The following C2 variants were observed in gnomAD, a reference collection of about 807,000 sequenced individuals.
C2 encodes the protein C3/C5 convertase.
C2 carries 64 observed loss-of-function variants against 85.2 expected under a neutral mutation model. The ratio of observed to expected loss-of-function variants is 0.75; its 90% CI spans 0.61 to 0.92. The LOEUF (loss-of-function observed/expected upper bound fraction) is 0.92. Among genes scored for constraint, C2 ranks in the 40% least tolerant of loss-of-function variants. C2 has a pLI of 0.00. For missense variants in C2, 820 were observed against 971.6 expected, an observed-to-expected ratio of 0.84 and a Z score of 2.07; for synonymous variants, 311 against 370.8, an observed-to-expected ratio of 0.84 and a Z score of 1.85.
chr6:31,928,793 C>T lies in C2; in HGVS notation c.318C>T (p.Ser106=), dbSNP rs141773354. ...ENGIYTPRLG[S]YPVGGNVSFE... ...GCATTTATACCCCACGGCTGGGGTC[C>T]TATCCCGTGGGTGGCAATGTGAGCT... The change falls in exon 3 of 18, where the codon TCC becomes TCT. Residue 106 remains serine (S), a synonymous_variant. Coordinates refer to ENST00000299367, the MANE Select transcript of C2 (RefSeq NM_000063.6). 6.2e-7 allele frequency: 1 copy of T among 1,614,238 alleles called. No individual in the cohort carries two copies. The highest frequency in any genetic ancestry group is 8.5e-7 in the Non-Finnish European group (1 of 1,180,024).
intron 9 of C2, among the ~76,000 whole-genome samples, chr6:31,940,587 C>T (rs575406754): frequency 4.6e-5 from 7 of 152,168 alleles, no homozygotes; most frequent in Admixed American, 4.6e-4. Flanking sequence ...CCCCTTAGCT[C>T]CTCTCCTTTC....
In C2 at chr6:31,943,242, G is replaced by T; in HGVS notation, c.1378G>T (p.Asp460Tyr). The change falls in exon 11 of 18, where the codon GAC (aspartate) becomes TAC (tyrosine). Residue 460 changes from aspartate to tyrosine, a missense_variant. Asp to Tyr is a radical substitution (Grantham distance 160). Transcript: ENST00000299367. This position sits in a 1 kb window ranked among gnomAD's most constrained non-coding sequence, Gnocchi z 6.4. ...ACCCACAGATGTCTCCAAGCTCACAGACACCATCTGCGGGGTGGGGAACAT... is the reference window on the plus strand; with the variant it reads ...ACCCACAGATGTCTCCAAGCTCACATACACCATCTGCGGGGTGGGGAACAT... ...EHMLDVSKLT[D>Y]TICGVGNMSA... 6.2e-7 allele frequency: 1 copy of T among 1,613,028 alleles called. No homozygotes were observed. Among genetic ancestry groups the T allele is most frequent in the Non-Finnish European group, 8.5e-7 (1 of 1,180,000 alleles).
At chr6:31,902,383 G>A (rs888632695) in intron 1 of C2, among the ~76,000 whole-genome samples, 2 of 151,640 alleles carry the variant, frequency 1.3e-5, no homozygotes, top group Admixed American at 6.6e-5. Context: ...CCCGCGCCCC[G>A]CCCGCGCCGC....
intron 3 of C2, among the ~76,000 whole-genome samples, chr6:31,929,468 C>T (rs1769542848): frequency 1.3e-5 from 2 of 152,104 alleles, no homozygotes; most frequent in Non-Finnish European, 1.5e-5. Context: ...CGCCTGTAAT[C>T]CCAGCACTTT....
chr6:31,935,106 A>G lies in C2; in HGVS notation c.849+807A>G, dbSNP rs1770298680. On this transcript the variant is annotated intron_variant, in intron 6 of 17. Transcript: ENST00000299367. This position sits in a 1 kb window ranked among gnomAD's most constrained non-coding sequence, Gnocchi z 4.3. Reference sequence around the variant, plus strand: ...TTCCTCGCCAGAACTTTGTTTTGTAATTGTGCTTTTCACAATACTTCATGT... The same window carrying G: ...TTCCTCGCCAGAACTTTGTTTTGTAGTTGTGCTTTTCACAATACTTCATGT... 4.1e-6 allele frequency: 4 copies of G among 976,610 alleles called. No homozygotes were observed. Among genetic ancestry groups the G allele is most frequent in the Non-Finnish European group, 4.9e-6 (4 of 821,892 alleles). The allele number at this position is 976,610 out of a possible 1,614,324, so 60.5% of individuals were successfully genotyped here.
chr6:31,897,953 G>C, upstream of C2: 1 of 1,038,172 alleles, frequency 9.6e-7, no homozygotes, highest in Non-Finnish European at 1.2e-6. Context: ...GTAACAAGCG[G>C]AGCTTCTGAA....
Position 31,935,746 on chromosome 6 carries a change from A to G in C2, c.850-177A>G, listed in dbSNP as rs533573435. On this transcript the variant is annotated intron_variant, in intron 6 of 17. Transcript: ENST00000299367. This position sits in a 1 kb window ranked among gnomAD's most constrained non-coding sequence, Gnocchi z 4.3. Reference sequence around the variant, plus strand: ...AAGTGTTGGGATTCAGGCATGAGCCACCGCGCCCAGCCCCTAGCTTCTTCC... The same window carrying G: ...AAGTGTTGGGATTCAGGCATGAGCCGCCGCGCCCAGCCCCTAGCTTCTTCC... Among the ~76,000 whole-genome samples the G allele has an allele frequency of 1.4e-4, 21 of 152,176 alleles. No homozygotes were observed. Among genetic ancestry groups the G allele is most frequent in the Admixed American group, 1.0e-3 (16 of 15,270 alleles).
intron 1 of C2, among the ~76,000 whole-genome samples, chr6:31,901,493 G>A (rs1173378647): frequency 6.6e-6 from 1 of 151,978 alleles, no homozygotes; most frequent in Non-Finnish European, 1.5e-5. Flanking sequence ...CCTCTGAGAG[G>A]AGGGAGGCGT....
At chr6:31,905,054 A>G (rs1767626299) in intron 1 of C2, among the ~76,000 whole-genome samples, 1 of 152,136 alleles carries the variant, frequency 6.6e-6, no homozygotes, top group Non-Finnish European at 1.5e-5. Context: ...TTCTGCCAGT[A>G]TAAAACCAGG....
chr6:31,944,229 G>A lies in C2; in HGVS notation c.1902+3G>A, dbSNP rs1191010788. 8 of 1,599,496 alleles carry A rather than the reference G, an allele frequency of 5.0e-6. No individual in the cohort carries two copies. Among genetic ancestry groups the A allele is most frequent in the African/African-American group, 4.0e-5 (3 of 74,636 alleles). On this transcript the variant is annotated splice_donor_region_variant and intron_variant, in intron 15 of 17. Transcript: ENST00000299367. This position sits in a 1 kb window ranked among gnomAD's most constrained non-coding sequence, Gnocchi z 5.1. ...TTAACCTTAAGATGGGAGTGGAGGT[G>A]AGGGTCTCAGGTTGGGGATGCTGGG... is the stretch of plus-strand genomic sequence containing the variant.
chr6:31,924,435 G>C (rs900266380), upstream of C2, among the ~76,000 whole-genome samples: 3 of 152,162 alleles, frequency 2.0e-5, no homozygotes, highest in Non-Finnish European at 4.4e-5. Flanking sequence ...CTAGGTGGCT[G>C]TTCCAGAGTC....
At position 31,922,027 on chromosome 6, in the gene C2, C is replaced by T. The variant is rs1487467062; in HGVS notation, c.-100+2001C>T. 1.3e-5 allele frequency among the ~76,000 whole-genome samples: 2 copies of T among 152,004 alleles called. No individual in the cohort carries two copies. Among genetic ancestry groups the T allele is most frequent in the Non-Finnish European group, 2.9e-5 (2 of 67,988 alleles). On this transcript the variant is annotated intron_variant, in intron 1 of 3. Transcript: ENST00000413154. This position sits in a 1 kb window ranked among gnomAD's most constrained non-coding sequence, Gnocchi z 4.8. ...TATCCCATGGTCCAGGGTGAGGGAG[C>T]CCAGTATTTATACCAATCAGTCATT...
chr6:31,943,801 C>A lies in C2; in HGVS notation c.1725C>A (p.Thr575=). 6.2e-7 allele frequency: 1 copy of A among 1,613,020 alleles called. No individual in the cohort carries two copies. Among genetic ancestry groups the A allele is most frequent in the Non-Finnish European group, 8.5e-7 (1 of 1,179,990 alleles). ...TGGCCCAGAAAGTAAAGATGTCCAC[C>A]CATGCCAGGTGCCTGGAGTCTGGGA... ...LKLAQKVKMS[T]HARPICLPCT... The change falls in exon 13 of 18, where the codon ACC becomes ACA. Residue 575 remains threonine, a synonymous_variant. Transcript: ENST00000299367. This position sits in a 1 kb window ranked among gnomAD's most constrained non-coding sequence, Gnocchi z 6.4.
intron 3 of C2, among the ~76,000 whole-genome samples, chr6:31,930,089 T>A (rs1283137992): frequency 4.0e-5 from 6 of 150,878 alleles, no homozygotes; most frequent in African/African-American, 2.4e-5. Flanking sequence ...GTACACTTTT[T>A]TTTTTTTTTG....
At chr6:31,907,425 A>G (rs1047321567) in intron 1 of C2, among the ~76,000 whole-genome samples, 1 of 151,292 alleles carries the variant, frequency 6.6e-6, no homozygotes, top group Non-Finnish European at 1.5e-5. Context: ...AGTCTCAGAA[A>G]AAAAAAAAAT....
At chr6:31,925,109 G>A (rs1048869832), upstream of C2, among the ~76,000 whole-genome samples, 3 of 152,186 alleles carry the variant, frequency 2.0e-5, no homozygotes, top group African/African-American at 7.2e-5. Flanking sequence ...GCTGACTGCC[G>A]CTGCATGGAA....
Position 31,944,484 on chromosome 6 carries a change from C to A in C2, c.1903-243C>A, listed in dbSNP as rs1204509835. Among the ~76,000 whole-genome samples the A allele has an allele frequency of 6.6e-6, 1 of 152,198 alleles. No individual in the cohort carries two copies. The highest frequency in any genetic ancestry group is 2.4e-5 in the African/African-American group (1 of 41,456). The stretch of plus-strand genomic sequence containing the variant: ...GCAACTTCTGCCTCCTGGGTTCAAG[C>A]GATTCTCCTACTTCAGCCTCCCGAG... On this transcript the variant is annotated intron_variant, in intron 15 of 17. Transcript: ENST00000299367. The surrounding 1 kb of genome is among the most constrained non-coding windows in gnomAD (Gnocchi z 5.1).
intron 1 of C2, among the ~76,000 whole-genome samples, chr6:31,912,056 G>C (rs1768149344): frequency 6.6e-6 from 1 of 151,432 alleles, no homozygotes; most frequent in Admixed American, 6.6e-5. Context: ...CAGGCGTTGA[G>C]CCACCGTGCC....
chr6:31,916,130 G>T (rs1243504367), upstream of C2, among the ~76,000 whole-genome samples: 1 of 152,174 alleles, frequency 6.6e-6, no homozygotes, highest in South Asian at 2.1e-4. Flanking sequence ...GGAAAGGGAT[G>T]ATCTTAATTT....
Sources: gnomAD v4.1 joint callset for allele counts (sites outside exome capture counted in the v4.1 genomes callset) on GRCh38, gnomAD v4.1.1 for gene constraint, Gnocchi (gnomAD v3.1) non-coding constraint, MANE v1.5 for transcripts, NCBI Gene and HGNC (gene_info 2026-07-23, HGNC 2026-07-21) for gene names.